Variants in DOCK4 observed in about 807,000 individuals in gnomAD.
DOCK4 encodes dedicator of cytokinesis protein 4.
A neutral mutation model predicts 268.1 loss-of-function variants in DOCK4; 97 were observed. The ratio of observed to expected loss-of-function variants is 0.36; its 90% CI spans 0.31 to 0.43. The LOEUF (loss-of-function observed/expected upper bound fraction) is 0.43. Ranked by LOEUF, DOCK4 falls within the 20% of genes least tolerant of loss-of-function variation. The pLI, the probability that DOCK4 is intolerant of heterozygous loss-of-function variation, is 1.00. For missense variants in DOCK4, 2,145 were observed against 2,455.7 expected (o/e 0.87, Z 2.67); for synonymous variants, 954 against 887.2 (o/e 1.08, Z -1.34).
intron 1 of DOCK4, among the ~76,000 whole-genome samples, chr7:112,071,614 A>T (rs749672887): frequency 6.6e-6 from 1 of 152,256 alleles, no homozygotes; most frequent in African/African-American, 2.4e-5. Context: ...ACAAATTGTA[A>T]AAGTATTTAC....
intron 8 of DOCK4, among the ~76,000 whole-genome samples, chr7:111,964,620 G>A (rs1797237778): frequency 7.2e-6 from 1 of 138,280 alleles, no homozygotes. Flanking sequence ...AACCAAGTTG[G>A]AAAACACTCT....
chr7:112,099,388 A>G (rs1472218240), intron 1 of DOCK4, among the ~76,000 whole-genome samples: 1 of 151,972 alleles, frequency 6.6e-6, no homozygotes, highest in South Asian at 2.1e-4. Context: ...GACCCACCAC[A>G]CACATGCGTC....
chr7:111,983,076 C>T (rs1798733953), intron 7 of DOCK4, among the ~76,000 whole-genome samples: 1 of 152,112 alleles, frequency 6.6e-6, no homozygotes, highest in Non-Finnish European at 1.5e-5. Flanking sequence ...CAGCACACAA[C>T]ACCACTCTGA....
intron 1 of DOCK4, among the ~76,000 whole-genome samples, chr7:112,120,210 A>T (rs115840370): frequency 0.011 from 1,696 of 152,274 alleles, 32 homozygotes; most frequent in African/African-American, 0.039. Context: ...CCTACATACA[A>T]ACACCAACAT....
At chr7:112,018,127 C>G (rs6466394) in intron 1 of DOCK4, among the ~76,000 whole-genome samples, 120,219 of 130,336 alleles carry the variant, frequency 0.92, 55,502 homozygotes, top group East Asian at 1. Context: ...CTGGGCAACA[C>G]AGCAAGACTC....
chr7:111,788,719 T>C lies in DOCK4; in HGVS notation c.3344A>G (p.Asp1115Gly). The stretch of plus-strand genomic sequence containing the variant: ...ACCTTTGCCTTCTGACATCAGGCTA[T>C]CCAGTTTGTCAATTAGCTTGGCTTC... Reference protein sequence around the residue: ...QVEAKLIDKLDSLMSEGKGDE... With the variant: ...QVEAKLIDKLGSLMSEGKGDE... The change falls in exon 32 of 53, where the codon GAT becomes GGT. Residue 1115 changes from aspartate (D) to glycine (G), a missense_variant. Physicochemically the swap from Asp to Gly is moderately conservative, Grantham distance 94 (BLOSUM62 -1). This residue lies in a region of DOCK4 where 1,598 missense variants were observed against 1,986.7 expected (regional missense o/e 0.80). Coordinates refer to ENST00000428084, the MANE Select transcript of DOCK4 (RefSeq NM_001363540.2). 1 of 1,593,272 alleles carries C rather than the reference T, an allele frequency of 6.3e-7. No individual in the cohort carries two copies. The highest frequency in any genetic ancestry group is 8.6e-7 in the Non-Finnish European group (1 of 1,168,544).
At chr7:111,946,964 A>C (rs2134832259) in intron 8 of DOCK4, among the ~76,000 whole-genome samples, 1 of 152,340 alleles carries the variant, frequency 6.6e-6, no homozygotes, top group Middle Eastern at 3.4e-3. Flanking sequence ...ACAAAAAATT[A>C]ATCTACCAGC....
intron 26 of DOCK4, among the ~76,000 whole-genome samples, chr7:111,825,071 T>C (rs1262477402): frequency 6.6e-6 from 1 of 152,148 alleles, no homozygotes; most frequent in Non-Finnish European, 1.5e-5. Context: ...TTGTTTAACC[T>C]CTCTGGGAGT....
At chr7:112,120,276 C>T (rs1227119196) in intron 1 of DOCK4, among the ~76,000 whole-genome samples, 1 of 152,030 alleles carries the variant, frequency 6.6e-6, no homozygotes, top group Non-Finnish European at 1.5e-5. Flanking sequence ...TTAATAATTG[C>T]AGAATTTTTT....
At chr7:111,729,706 G>C (rs1794935261) in intron 52 of DOCK4, among the ~76,000 whole-genome samples, 1 of 152,182 alleles carries the variant, frequency 6.6e-6, no homozygotes, top group Non-Finnish European at 1.5e-5. Context: ...GCATGCTGCA[G>C]GCCAGGAGCC....
At chr7:111,732,394 G>A (rs144169057) in intron 51 of DOCK4, 107 bp from the exon 52 acceptor site, 2 of 1,163,842 alleles carry the variant, frequency 1.7e-6, no homozygotes, top group Non-Finnish European at 2.5e-6. Flanking sequence ...CAGTGCATAA[G>A]GACCTTCTAA....
chr7:111,786,827 A>G (rs561430665), intron 32 of DOCK4, among the ~76,000 whole-genome samples: 1 of 152,346 alleles, frequency 6.6e-6, no homozygotes, highest in Non-Finnish European at 1.5e-5. Context: ...TTCCTGAAAT[A>G]AAGTAATATT....
intron 8 of DOCK4, among the ~76,000 whole-genome samples, chr7:111,947,899 A>AT (rs891746574): frequency 1.1e-4 from 17 of 151,384 alleles, no homozygotes; most frequent in African/African-American, 1.7e-4. Flanking sequence ...AATTTTTGTA[A>AT]TTTTTTTTAG....
chr7:111,817,535 T>C (rs1476459696), intron 27 of DOCK4, among the ~76,000 whole-genome samples: 2 of 152,202 alleles, frequency 1.3e-5, no homozygotes, highest in Non-Finnish European at 2.9e-5. Context: ...ACAATGTCAG[T>C]TTAATTAAAC....
intron 23 of DOCK4, among the ~76,000 whole-genome samples, chr7:111,861,888 A>G (rs1404485858): frequency 6.6e-6 from 1 of 152,108 alleles, no homozygotes; most frequent in Non-Finnish European, 1.5e-5. Flanking sequence ...TTTTAAAGCT[A>G]TGTAATAAAG....
At chr7:111,855,137 A>G (rs1333971871) in intron 23 of DOCK4, among the ~76,000 whole-genome samples, 1 of 152,218 alleles carries the variant, frequency 6.6e-6, no homozygotes. Context: ...AGGGCATGGA[A>G]GATCAATTCT....
At chr7:112,196,435 A>G (rs1402330974) in intron 1 of DOCK4, among the ~76,000 whole-genome samples, 1 of 152,236 alleles carries the variant, frequency 6.6e-6, no homozygotes, top group African/African-American at 2.4e-5. Flanking sequence ...TATGAAGACC[A>G]CAGTACACTT....
intron 26 of DOCK4, among the ~76,000 whole-genome samples, chr7:111,824,965 C>T (rs117936826): frequency 1.3e-5 from 2 of 152,142 alleles, no homozygotes; most frequent in Non-Finnish European, 2.9e-5. Context: ...CAGTAGAAAC[C>T]TTATAAGAAA....
chr7:112,197,970 GAA>G (rs10525534), intron 1 of DOCK4, among the ~76,000 whole-genome samples: 17 of 111,064 alleles, frequency 1.5e-4, no homozygotes, highest in African/African-American at 4.3e-4. Flanking sequence ...GACCTGCCTA[GAA>G]AAAAAAAAAA....
Sources: gnomAD v4.1 joint callset for allele counts (sites outside exome capture counted in the v4.1 genomes callset) on GRCh38, gnomAD v4.1.1 for gene constraint, gnomAD v4.1.1 regional missense constraint, MANE v1.5 for transcripts, NCBI Gene and HGNC (gene_info 2026-07-23, HGNC 2026-07-21) for gene names.